THSD7B: variants seen among roughly 807,000 people sequenced by gnomAD.
The protein encoded by THSD7B is thrombospondin type-1 domain-containing protein 7B.
Under a neutral mutation model 213.6 loss-of-function variants are expected in THSD7B, and 138 were observed. That is an observed-to-expected ratio of 0.65 (90% CI 0.56 to 0.74). The LOEUF is 0.74. THSD7B is among the 30% of genes least tolerant of loss of function. The pLI is 0.00. For synonymous variants in THSD7B, 742 were observed against 687.0 expected (o/e 1.08, Z -1.25); for missense variants, 1,931 against 1,991.5 (o/e 0.97, Z 0.58).
chr2:136,811,752 A>G (rs1030399961), intron 1 of THSD7B, among the ~76,000 whole-genome samples: 1 of 152,172 alleles, frequency 6.6e-6, no homozygotes, highest in Non-Finnish European at 1.5e-5. Flanking sequence ...GAAATTTTAC[A>G]CAAGACGTAT....
chr2:136,875,641 C>T (rs528370616), intron 1 of THSD7B, among the ~76,000 whole-genome samples: 2 of 152,060 alleles, frequency 1.3e-5, no homozygotes, highest in Non-Finnish European at 2.9e-5. Context: ...ACAGGAGCCC[C>T]GTAGTTTCTC....
At chr2:136,831,767 C>G (rs957618683) in intron 1 of THSD7B, among the ~76,000 whole-genome samples, 1 of 152,300 alleles carries the variant, frequency 6.6e-6, no homozygotes, top group South Asian at 2.1e-4. Flanking sequence ...AAATATCATC[C>G]TTTGAGGATA....
At chr2:137,002,876 G>C (rs1686027671) in intron 2 of THSD7B, among the ~76,000 whole-genome samples, 1 of 151,970 alleles carries the variant, frequency 6.6e-6, no homozygotes, top group Non-Finnish European at 1.5e-5. Flanking sequence ...CTTATACCAA[G>C]TAGATTTTAT....
chr2:137,285,045 G>A lies in THSD7B; in HGVS notation c.2500+9019G>A, dbSNP rs538163715. 1.1e-4 allele frequency among the ~76,000 whole-genome samples: 17 copies of A among 152,172 alleles called. No individual in the cohort carries two copies. In the South Asian group the frequency reaches 1.7e-3, roughly 15 times the overall value. ...ATTGTGTGGGAGTCTAAGTCTCTTC[G>A]TAGGTCACTAAGGACTTGCTTTATG... On this transcript the variant is annotated intron_variant, in intron 12 of 27. Coordinates refer to ENST00000409968, the MANE Select transcript of THSD7B (RefSeq NM_001316349.2).
At chr2:136,769,060 A>T (rs559131117) in intron 1 of THSD7B, among the ~76,000 whole-genome samples, 1 of 152,316 alleles carries the variant, frequency 6.6e-6, no homozygotes, top group African/African-American at 2.4e-5. Context: ...GATGATAAGC[A>T]TTCTATTCCC....
At chr2:137,515,820 A>C (rs771254163) in intron 15 of THSD7B, among the ~76,000 whole-genome samples, 1 of 152,226 alleles carries the variant, frequency 6.6e-6, no homozygotes, top group Non-Finnish European at 1.5e-5. Context: ...GAAGGGATCC[A>C]AAGGCTGAAG....
intron 27 of THSD7B, among the ~76,000 whole-genome samples, chr2:137,668,623 C>T (rs1254946121): frequency 6.6e-6 from 1 of 152,072 alleles, no homozygotes; most frequent in Non-Finnish European, 1.5e-5. Flanking sequence ...GCCTACTCCC[C>T]ACACAGTCGA....
At chr2:137,172,360 T>G (rs35795431) in intron 7 of THSD7B, among the ~76,000 whole-genome samples, 7,026 of 152,208 alleles carry the variant, frequency 0.046, 201 homozygotes, top group Admixed American at 0.069. Flanking sequence ...GAAGCTTAGG[T>G]ATTTCAGTTC....
chr2:137,098,029 A>G (rs1488951538), intron 4 of THSD7B, among the ~76,000 whole-genome samples: 2 of 152,230 alleles, frequency 1.3e-5, no homozygotes, highest in Non-Finnish European at 2.9e-5. Flanking sequence ...GCTATGTACT[A>G]ACATTTGCTT....
intron 12 of THSD7B, among the ~76,000 whole-genome samples, chr2:137,345,587 CTAAGAG>C (rs1684859190): frequency 6.6e-6 from 1 of 150,796 alleles, no homozygotes; most frequent in Admixed American, 6.6e-5. Context: ...CTCAATCAAA[CTAAGAG>C]TGAGAGAGAG....
At chr2:136,998,951 CA>C (rs879495454) in intron 2 of THSD7B, among the ~76,000 whole-genome samples, 2,251 of 146,650 alleles carry the variant, frequency 0.015, 33 homozygotes, top group Non-Finnish European at 0.019. Flanking sequence ...CACACACACA[CA>C]CACACACCCC....
intron 2 of THSD7B, among the ~76,000 whole-genome samples, chr2:136,912,969 A>G (rs1684291346): frequency 6.6e-6 from 1 of 152,240 alleles, no homozygotes; most frequent in Non-Finnish European, 1.5e-5. Context: ...GGAACTGAGT[A>G]ACAGACAGAG....
intron 5 of THSD7B, among the ~76,000 whole-genome samples, chr2:137,143,733 C>T (rs1679637472): frequency 6.6e-6 from 1 of 151,978 alleles, no homozygotes; most frequent in African/African-American, 2.4e-5. Flanking sequence ...CTCTTATTTC[C>T]CCTAGTCATT....
chr2:136,850,247 G>A (rs1435113904), intron 1 of THSD7B, among the ~76,000 whole-genome samples: 1 of 151,928 alleles, frequency 6.6e-6, no homozygotes, highest in African/African-American at 2.4e-5. Context: ...ATGCTGCATT[G>A]TATGAGTACA....
chr2:136,928,635 T>A lies in THSD7B; in HGVS notation c.139+46318T>A, dbSNP rs1037574637. Among the ~76,000 whole-genome samples the A allele has an allele frequency of 2.0e-5, 3 of 152,176 alleles. No homozygotes were observed. The East Asian group carries it at 5.8e-4, about 29-fold the overall frequency. Reference sequence around the variant, plus strand: ...ATGATTCATACAAAAAATAACTGTATTTTACATATAAATTTAAATACCCAT... The same window carrying A: ...ATGATTCATACAAAAAATAACTGTAATTTACATATAAATTTAAATACCCAT... On this transcript the variant is annotated intron_variant, in intron 2 of 27. Coordinates refer to ENST00000409968, the MANE Select transcript of THSD7B (RefSeq NM_001316349.2).
intron 1 of THSD7B, among the ~76,000 whole-genome samples, chr2:136,783,566 C>G (rs1449180946): frequency 6.6e-6 from 1 of 151,878 alleles, no homozygotes; most frequent in Non-Finnish European, 1.5e-5. Flanking sequence ...GACCTGGAAC[C>G]CTGAAGGAGT....
intron 12 of THSD7B, among the ~76,000 whole-genome samples, chr2:137,307,138 T>C (rs1683769508): frequency 6.6e-6 from 1 of 152,148 alleles, no homozygotes; most frequent in East Asian, 1.9e-4. Flanking sequence ...GTGTAACACC[T>C]GAAATGGAAG....
chr2:137,115,345 C>T, intron 5 of THSD7B, 52 bp downstream of exon 5: 1 of 1,417,644 alleles, frequency 7.1e-7, no homozygotes. Context: ...GAAGGAAAAT[C>T]TCTCCAACTC....
At chr2:137,025,256 G>A (rs758050148) in intron 2 of THSD7B, among the ~76,000 whole-genome samples, 1 of 152,054 alleles carries the variant, frequency 6.6e-6, no homozygotes, top group Non-Finnish European at 1.5e-5. Flanking sequence ...TATATCTTAA[G>A]AGTTTTGTGT....
Sources: allele counts gnomAD v4.1 joint callset (sites outside exome capture counted in the v4.1 genomes callset), GRCh38; gene constraint gnomAD v4.1.1; transcripts MANE v1.5; gene names NCBI Gene and HGNC (gene_info 2026-07-23, HGNC 2026-07-21).